The following PRELID2 variants were observed in gnomAD, a reference collection of about 807,000 sequenced individuals.
PRELID2 encodes the protein PRELI domain containing 2.
In PRELID2, 25 loss-of-function variants were observed where a neutral mutation model predicts 28.4. The observed-to-expected ratio is 0.88, with a 90% CI of 0.64 to 1.23. The LOEUF (loss-of-function observed/expected upper bound fraction) is 1.23, where lower values mean the gene tolerates loss of function less well. Among genes scored for constraint, PRELID2 ranks in the 50% most tolerant of loss-of-function variants. The pLI is 0.00. For synonymous variants in PRELID2, 76 were observed against 71.6 expected (o/e 1.06, Z -0.31); for missense variants, 201 against 214.4 (o/e 0.94, Z 0.39).
At chr5:145,550,504 G>A (rs987332306) in intron 1 of PRELID2, among the ~76,000 whole-genome samples, 1 of 152,186 alleles carries the variant, frequency 6.6e-6, no homozygotes, top group African/African-American at 2.4e-5. Flanking sequence ...GAGACCAGGA[G>A]ATAAGGCTGC....
chr5:145,464,781 C>G, the PRELID2 span, among the ~76,000 whole-genome samples: 1 of 152,026 alleles, frequency 6.6e-6, no homozygotes, highest in African/African-American at 2.4e-5. Context: ...GTAATTAAAG[C>G]CTCTCTATGA....
At chr5:145,434,397 CA>C in the PRELID2 span, among the ~76,000 whole-genome samples, 1 of 152,074 alleles carries the variant, frequency 6.6e-6, no homozygotes, top group African/African-American at 2.4e-5. Context: ...GTTCAGGCTT[CA>C]AAAAACTGGA....
At chr5:145,830,282 C>T (rs950217891) in intron 1 of PRELID2, among the ~76,000 whole-genome samples, 11 of 152,186 alleles carry the variant, frequency 7.2e-5, no homozygotes, top group African/African-American at 2.7e-4. Flanking sequence ...AGAAAGTCAA[C>T]CTTCTGAAGG....
rs1386120961 is a variant in PRELID2, at chr5:145,760,405, C to G, written c.*131G>C. 1 of 152,070 alleles carries G rather than the reference C, an allele frequency of 6.6e-6. No individual in the cohort carries two copies. The highest frequency in any genetic ancestry group is 1.5e-5 in the Non-Finnish European group (1 of 68,008). 9.4% of individuals were successfully genotyped at this position (152,070 alleles called of 1,614,324 possible). A position where few individuals can be genotyped will look rare whatever the true frequency, so the allele number is the denominator to read the frequency against. ...GCAAGAAGGTCTTCTCTTCTTGAAGCTGCCAACACTGTATCCTCAAACCTG... is the reference window on the plus strand; with the variant it reads ...GCAAGAAGGTCTTCTCTTCTTGAAGGTGCCAACACTGTATCCTCAAACCTG... On this transcript the variant is annotated 3_prime_UTR_variant, in exon 7 of 7. Transcript: ENST00000683046.
At chr5:145,248,814 G>T in the PRELID2 span, among the ~76,000 whole-genome samples, 2 of 151,856 alleles carry the variant, frequency 1.3e-5, no homozygotes, top group Non-Finnish European at 2.9e-5. Flanking sequence ...AAAAAATCAC[G>T]TAAGTTTTTC....
downstream of PRELID2, among the ~76,000 whole-genome samples, chr5:145,470,472 GTT>G (rs1752043756): frequency 1.2e-5 from 1 of 82,658 alleles, no homozygotes; most frequent in Non-Finnish European, 3.1e-5. Flanking sequence ...TCAGACACTA[GTT>G]AGGTAATTTT....
chr5:145,750,114 T>C, intron 1 of PRELID2, among the ~76,000 whole-genome samples: 1 of 151,812 alleles, frequency 6.6e-6, no homozygotes, highest in East Asian at 1.9e-4. Flanking sequence ...AAGAAAAATA[T>C]TCCATTTATA....
At chr5:145,307,669 T>G in the PRELID2 span, among the ~76,000 whole-genome samples, 575 of 152,238 alleles carry the variant, frequency 3.8e-3, 5 homozygotes, top group African/African-American at 0.013. Flanking sequence ...CAGTTCAGCA[T>G]GGAGCCCACC....
chr5:145,298,377 C>T, the PRELID2 span, among the ~76,000 whole-genome samples: 2 of 152,068 alleles, frequency 1.3e-5, no homozygotes, highest in Admixed American at 6.6e-5. Context: ...GGAAAGGATT[C>T]CCTATTTAAT....
chr5:145,701,497 A>T (rs906053632), intron 1 of PRELID2, among the ~76,000 whole-genome samples: 1 of 152,228 alleles, frequency 6.6e-6, no homozygotes, highest in South Asian at 2.1e-4. Context: ...GAAATTCTCT[A>T]TTTTTTGAGA....
At chr5:145,289,680 G>A in the PRELID2 span, among the ~76,000 whole-genome samples, 1 of 152,158 alleles carries the variant, frequency 6.6e-6, no homozygotes, top group African/African-American at 2.4e-5. Flanking sequence ...GCCAAATAGT[G>A]TTCTAAAGTG....
At chr5:145,530,613 G>A (rs1278706407) in intron 1 of PRELID2, among the ~76,000 whole-genome samples, 5 of 152,014 alleles carry the variant, frequency 3.3e-5, no homozygotes, top group Admixed American at 6.6e-5. Context: ...CCAAGACTCT[G>A]GTAACGAACG....
At chr5:145,728,769 G>T in intron 1 of PRELID2, 1 of 1,304,012 alleles carries the variant, frequency 7.7e-7, no homozygotes, top group Non-Finnish European at 1.1e-6. Context: ...ATTTTGTTTT[G>T]CACCAATGTA....
At chr5:145,339,339 G>T in the PRELID2 span, among the ~76,000 whole-genome samples, 1 of 152,200 alleles carries the variant, frequency 6.6e-6, no homozygotes, top group Non-Finnish European at 1.5e-5. Context: ...AGCTTGGAGA[G>T]GCTTCCAGAC....
At chr5:145,688,922 G>T (rs898288156) in intron 1 of PRELID2, among the ~76,000 whole-genome samples, 41 of 152,232 alleles carry the variant, frequency 2.7e-4, no homozygotes, top group African/African-American at 8.9e-4. Context: ...GTCTAGTCAA[G>T]AAATAAAAAC....
the PRELID2 span, among the ~76,000 whole-genome samples, chr5:145,299,105 ATAAT>A: frequency 2.6e-5 from 4 of 152,156 alleles, no homozygotes; most frequent in Non-Finnish European, 4.4e-5. Context: ...CCTAGCTTCA[ATAAT>A]TATCAACTCA....
the PRELID2 span, among the ~76,000 whole-genome samples, chr5:145,293,544 A>G: frequency 6.6e-6 from 1 of 152,198 alleles, no homozygotes; most frequent in African/African-American, 2.4e-5. Context: ...ACTCCTAACC[A>G]TTTAACTATT....
At chr5:145,261,975 G>A in the PRELID2 span, among the ~76,000 whole-genome samples, 2 of 152,206 alleles carry the variant, frequency 1.3e-5, no homozygotes, top group African/African-American at 4.8e-5. Flanking sequence ...AAAATCTCCA[G>A]TGAAATAGAC....
intron 4 of PRELID2, among the ~76,000 whole-genome samples, chr5:145,799,984 TA>T (rs1286644697): frequency 2.0e-5 from 3 of 152,122 alleles, no homozygotes; most frequent in African/African-American, 7.2e-5. Flanking sequence ...TTCTTTGTAA[TA>T]AAAAATATTC....
Sources: gnomAD v4.1 joint callset for allele counts (sites outside exome capture counted in the v4.1 genomes callset) on GRCh38, gnomAD v4.1.1 for gene constraint, MANE v1.5 for transcripts, NCBI Gene and HGNC (gene_info 2026-07-23, HGNC 2026-07-21) for gene names.